The following TMOD1 variants were observed in gnomAD, a reference collection of about 807,000 sequenced individuals.
TMOD1 encodes tropomodulin 1.
TMOD1 carries 17 observed loss-of-function variants against 40.6 expected under a neutral mutation model. That is an observed-to-expected ratio of 0.42 (90% CI 0.29 to 0.63). The LOEUF (loss-of-function observed/expected upper bound fraction) is 0.63. Among genes scored for constraint, TMOD1 ranks in the 20% least tolerant of loss-of-function variants. The probability of loss-of-function intolerance (pLI) is 0.22; values close to 1 mark genes in which losing one functional copy is unlikely to be tolerated. For synonymous variants in TMOD1, 181 were observed against 175.0 expected (o/e 1.03, Z -0.27); for missense variants, 391 against 447.6 (o/e 0.87, Z 1.14).
intron 1 of TMOD1, among the ~76,000 whole-genome samples, chr9:97,518,660 G>A (rs748153371): frequency 2.0e-5 from 3 of 152,340 alleles, no homozygotes; most frequent in South Asian, 4.1e-4. Flanking sequence ...GGGGTGACCC[G>A]TGATATGAAG....
chr9:97,546,193 G>A lies in TMOD1; in HGVS notation c.129G>A (p.Leu43=), dbSNP rs552815454. 645 of 1,611,812 alleles carry A rather than the reference G, an allele frequency of 4.0e-4. 6 individuals carry two copies. The South Asian group carries it at 6.8e-3, about 17-fold the overall frequency. Residue 43 remains leucine, a synonymous_variant, in exon 3 of 10, where the codon CTG becomes CTA. Coordinates refer to ENST00000259365, the MANE Select transcript of TMOD1 (RefSeq NM_003275.4). ...CACAACCTCCAATGTAGAATGCACTGCTGCCTGCAGGCCTGAGGCAGAAGG... is the reference window on the plus strand; with the variant it reads ...CACAACCTCCAATGTAGAATGCACTACTGCCTGCAGGCCTGAGGCAGAAGG... The part of the protein sequence containing the change: ...ELDELDPDNA[L]LPAGLRQKDQ...
chr9:97,600,530 T>C lies in TMOD1; in HGVS notation c.*832T>C, dbSNP rs376273233. 51 of 985,956 alleles carry C rather than the reference T, an allele frequency of 5.2e-5. No homozygotes were observed. In the South Asian group the frequency reaches 1.9e-3, roughly 37 times the overall value. 61.1% of individuals were successfully genotyped at this position (985,956 alleles called of 1,614,324 possible). On this transcript the variant is annotated 3_prime_UTR_variant, in exon 10 of 10. Coordinates refer to ENST00000259365, the MANE Select transcript of TMOD1 (RefSeq NM_003275.4). Reference sequence around the variant, plus strand: ...ATACTTTTGAAAACACCTTTCTATATTGCACAGTGGGCAAATGGCTTATGT... The same window carrying C: ...ATACTTTTGAAAACACCTTTCTATACTGCACAGTGGGCAAATGGCTTATGT...
intron 9 of TMOD1, among the ~76,000 whole-genome samples, chr9:97,597,623 G>A (rs1214040267): frequency 6.7e-6 from 1 of 149,588 alleles, no homozygotes; most frequent in Non-Finnish European, 1.5e-5. Flanking sequence ...GCTTGAACTC[G>A]GGAGGCGGAG....
rs1257816117 is a variant in TMOD1, at chr9:97,595,605, AT to A, written c.1016-4028del. On this transcript the variant is annotated intron_variant, in intron 9 of 9. Coordinates refer to ENST00000259365, the MANE Select transcript of TMOD1 (RefSeq NM_003275.4). ...TGTGCATATATCCCCCAGTTTCTTTATCCATTCTTGTTGATAGACACTTAGG... is the reference window on the plus strand; with the variant it reads ...TGTGCATATATCCCCCAGTTTCTTTACCATTCTTGTTGATAGACACTTAGG... 5.2e-5 allele frequency among the ~76,000 whole-genome samples: 7 copies of A among 134,064 alleles called. No homozygotes were observed. In the East Asian group the frequency reaches 1.5e-3, roughly 28 times the overall value. The allele number at this position is 134,064 out of a possible 152,430, so 88.0% of individuals were successfully genotyped here.
At chr9:97,580,645 G>A (rs554835811) in intron 8 of TMOD1, among the ~76,000 whole-genome samples, 2 of 151,922 alleles carry the variant, frequency 1.3e-5, no homozygotes, top group Non-Finnish European at 2.9e-5. Context: ...GGGAAGGAAG[G>A]GAGGGAGGGA....
intron 9 of TMOD1, among the ~76,000 whole-genome samples, chr9:97,592,989 A>G (rs1237123327): frequency 6.6e-6 from 1 of 152,202 alleles, no homozygotes; most frequent in Non-Finnish European, 1.5e-5. Flanking sequence ...TTATTACATC[A>G]TCTCACAGAT....
chr9:97,563,347 C>T (rs1376643337), intron 5 of TMOD1, among the ~76,000 whole-genome samples: 1 of 152,216 alleles, frequency 6.6e-6, no homozygotes, highest in Admixed American at 6.5e-5. Flanking sequence ...GCCACCACAC[C>T]TGGCCTTATA....
At position 97,502,277 on chromosome 9, in the gene TMOD1, G is replaced by A. The variant is rs978699895; in HGVS notation, c.-49+474G>A. Among the ~76,000 whole-genome samples the A allele has an allele frequency of 7.2e-5, 11 of 152,216 alleles. No individual in the cohort carries two copies. The highest frequency in any genetic ancestry group is 2.7e-4 in the African/African-American group (11 of 41,464). Reference sequence around the variant, plus strand: ...CTTCTCCGCCTGCAAGAGTCTGGGGGTGGGAGTGGGGGAGTAAAGGCTCGA... The same window carrying A: ...CTTCTCCGCCTGCAAGAGTCTGGGGATGGGAGTGGGGGAGTAAAGGCTCGA... On this transcript the variant is annotated intron_variant, in intron 1 of 9. Transcript: ENST00000259365. This position sits in a 1 kb window ranked among gnomAD's most constrained non-coding sequence, Gnocchi z 6.1.
At chr9:97,553,643 A>C (rs957279630) in intron 4 of TMOD1, among the ~76,000 whole-genome samples, 9 of 152,174 alleles carry the variant, frequency 5.9e-5, no homozygotes, top group African/African-American at 2.2e-4. Context: ...CCCATGCCAG[A>C]GGGACGTGGG....
intron 8 of TMOD1, among the ~76,000 whole-genome samples, chr9:97,572,812 C>T (rs1004850478): frequency 6.6e-6 from 1 of 152,162 alleles, no homozygotes; most frequent in Non-Finnish European, 1.5e-5. Flanking sequence ...TGACACGGAG[C>T]TGGCTCAGGA....
chr9:97,557,669 C>T lies in TMOD1; in HGVS notation c.397+4269C>T, dbSNP rs898640089. On this transcript the variant is annotated intron_variant, in intron 4 of 9. Coordinates refer to ENST00000259365, the MANE Select transcript of TMOD1 (RefSeq NM_003275.4). This position sits in a 1 kb window ranked among gnomAD's most constrained non-coding sequence, Gnocchi z 4.4. Reference sequence around the variant, plus strand: ...CACCTGTCCCTGGGATGCAGGAGAACATCTTCCAGCCATCTGCCCAGAGCC... The same window carrying T: ...CACCTGTCCCTGGGATGCAGGAGAATATCTTCCAGCCATCTGCCCAGAGCC... 1.3e-5 allele frequency among the ~76,000 whole-genome samples: 2 copies of T among 152,182 alleles called. No individual in the cohort carries two copies. Among genetic ancestry groups the T allele is most frequent in the African/African-American group, 4.8e-5 (2 of 41,454 alleles).
intron 7 of TMOD1, 53 bp downstream of exon 7, chr9:97,566,008 G>A (rs1213148167): frequency 2.0e-6 from 3 of 1,508,304 alleles, no homozygotes; most frequent in South Asian, 1.1e-5. Context: ...GAAACAGAAG[G>A]GTTGAAATAT....
intron 8 of TMOD1, among the ~76,000 whole-genome samples, chr9:97,574,557 C>T (rs1279053522): frequency 1.3e-5 from 2 of 152,354 alleles, no homozygotes; most frequent in East Asian, 1.9e-4. Flanking sequence ...CTGAGGAGTG[C>T]GGGCGCAGGG....
rs148154381 is a variant in TMOD1 at position 97,593,589 on chromosome 9, G to T, written c.1015+2154G>T. On this transcript the variant is annotated intron_variant, in intron 9 of 9. Coordinates refer to ENST00000259365, the MANE Select transcript of TMOD1 (RefSeq NM_003275.4). Reference sequence around the variant, plus strand: ...CAGAGGTAGCAGAAAGGCTACCTCTGACTGAAGAAGCTTTATAACCTTTTA... The same window carrying T: ...CAGAGGTAGCAGAAAGGCTACCTCTTACTGAAGAAGCTTTATAACCTTTTA... 2.4e-3 allele frequency among the ~76,000 whole-genome samples: 371 copies of T among 152,146 alleles called. 2 individuals carry two copies. Among genetic ancestry groups the T allele is most frequent in the African/African-American group, 8.4e-3 (349 of 41,488 alleles).
In TMOD1 at chr9:97,531,033, A is replaced by ACCCCCCCCCCCCCCCC. The variant is rs202030181; in HGVS notation, c.120+6728_120+6729insCCCCCCCCCCCCCCCC. Among the ~76,000 whole-genome samples, 10 of 78,258 alleles carry ACCCCCCCCCCCCCCCC rather than the reference A, an allele frequency of 1.3e-4. 2 individuals are homozygous for ACCCCCCCCCCCCCCCC. The highest frequency in any genetic ancestry group is 2.1e-4 in the African/African-American group (4 of 18,664). 51.3% of individuals were successfully genotyped at this position (78,258 alleles called of 152,430 possible). A position where few individuals can be genotyped will look rare whatever the true frequency, so the allele number is the denominator to read the frequency against. On this transcript the variant is annotated intron_variant, in intron 2 of 9. Transcript: ENST00000259365. ...GAACTCCTGACCTTAGGTGATCCAC[A>ACCCCCCCCCCCCCCCC]CCCACCCCCCCCACCACCCCTTGGC...
intron 2 of TMOD1, among the ~76,000 whole-genome samples, chr9:97,540,608 C>T (rs558581374): frequency 6.6e-6 from 1 of 152,272 alleles, no homozygotes; most frequent in South Asian, 2.1e-4. Context: ...CTGTTCTGTA[C>T]GTTTCATATA....
At chr9:97,538,116 C>G (rs1222122452) in intron 2 of TMOD1, among the ~76,000 whole-genome samples, 1 of 152,134 alleles carries the variant, frequency 6.6e-6, no homozygotes, top group Non-Finnish European at 1.5e-5. Context: ...GGCATGAACG[C>G]TCTAGTATGC....
At chr9:97,508,022 T>C (rs919238901) in intron 1 of TMOD1, among the ~76,000 whole-genome samples, 5 of 149,378 alleles carry the variant, frequency 3.3e-5, no homozygotes, top group African/African-American at 1.2e-4. Context: ...TAAATAGCAA[T>C]TGACACATAA....
intron 2 of TMOD1, among the ~76,000 whole-genome samples, chr9:97,542,223 A>G (rs1830284749): frequency 1.3e-5 from 2 of 152,198 alleles, no homozygotes; most frequent in Admixed American, 6.5e-5. Flanking sequence ...AAAAATATGC[A>G]TCTATCTTTG....
Sources: gnomAD v4.1 joint callset for allele counts (sites outside exome capture counted in the v4.1 genomes callset) on GRCh38, gnomAD v4.1.1 for gene constraint, Gnocchi (gnomAD v3.1) non-coding constraint, MANE v1.5 for transcripts, NCBI Gene and HGNC (gene_info 2026-07-23, HGNC 2026-07-21) for gene names.